Variants in CTNS observed in about 807,000 individuals in gnomAD.
CTNS encodes cystinosin.
A neutral mutation model predicts 43.7 loss-of-function variants in CTNS; 27 were observed. That is an observed-to-expected ratio of 0.62 (90% CI 0.46 to 0.85). The LOEUF (loss-of-function observed/expected upper bound fraction) is 0.85, where lower values mean the gene tolerates loss of function less well. CTNS is among the 40% of genes least tolerant of loss of function. The pLI is 0.00. For missense variants in CTNS, 457 were observed against 475.4 expected, an observed-to-expected ratio of 0.96 and a Z score of 0.36; for synonymous variants, 187 against 190.6, an observed-to-expected ratio of 0.98 and a Z score of 0.16.
At position 3,662,624 on chromosome 17, in the gene CTNS, G is replaced by C. The variant is rs534998566; in HGVS notation, c.*2255G>C. Among the ~76,000 whole-genome samples, 10 of 152,320 alleles carry C rather than the reference G, an allele frequency of 6.6e-5. No individual in the cohort carries two copies. In the East Asian group the frequency reaches 1.7e-3, roughly 26 times the overall value. ...AAAAGGAGGTTGGGAGCAAGTAGGG[G>C]CTTCACAGTAACACCCAAGAAAGCA... On this transcript the variant is annotated 3_prime_UTR_variant, in exon 12 of 12. Transcript: ENST00000046640.
upstream of CTNS, chr17:3,636,564 C>T (rs530371788): frequency 3.2e-3 from 834 of 262,694 alleles, 5 homozygotes; most frequent in Non-Finnish European, 4.9e-3. Context: ...GGCAGCGGAC[C>T]TCATCTTCCC....
chr17:3,640,154 C>T, intron 2 of CTNS, 34 bp from the exon 3 acceptor site: 1 of 1,553,830 alleles, frequency 6.4e-7, no homozygotes, highest in East Asian at 2.2e-5. Context: ...TTCAACATTC[C>T]CCTGAACTTC....
At chr17:3,639,377 A>C (rs2075624061) in intron 2 of CTNS, among the ~76,000 whole-genome samples, 1 of 152,148 alleles carries the variant, frequency 6.6e-6, no homozygotes, top group Admixed American at 6.6e-5. Flanking sequence ...CACTTGTCAA[A>C]TAAAGTCTTG....
At chr17:3,658,343 C>T (rs897661753) in intron 10 of CTNS, among the ~76,000 whole-genome samples, 168 bp downstream of exon 10, 15 of 152,118 alleles carry the variant, frequency 9.9e-5, no homozygotes, top group East Asian at 1.9e-4. Flanking sequence ...GCCAGCCTGC[C>T]GCTCTTCCCC....
intron 3 of CTNS, among the ~76,000 whole-genome samples, chr17:3,643,811 A>C (rs188881): frequency 0.51 from 77,504 of 151,954 alleles, 20,389 homozygotes; most frequent in Non-Finnish European, 0.57. Context: ...AAGTGATCTG[A>C]CCGCCTCAGC....
At chr17:3,638,873 G>A (rs898267082) in intron 2 of CTNS, among the ~76,000 whole-genome samples, 1 of 152,170 alleles carries the variant, frequency 6.6e-6, no homozygotes, top group Non-Finnish European at 1.5e-5. Context: ...GGGATCCAGC[G>A]CCAAGAGCAA....
chr17:3,647,027 A>G (rs1027871275), intron 3 of CTNS, among the ~76,000 whole-genome samples: 2 of 152,174 alleles, frequency 1.3e-5, no homozygotes, highest in Admixed American at 1.3e-4. Flanking sequence ...CCAGTTCTTC[A>G]GGACCATTTT....
intron 5 of CTNS, among the ~76,000 whole-genome samples, chr17:3,652,453 G>A (rs188672567): frequency 1.4e-3 from 217 of 152,156 alleles, no homozygotes; most frequent in Middle Eastern, 6.8e-3. Context: ...TTAGCCAAGC[G>A]TGGTGGCAAG....
intron 4 of CTNS, among the ~76,000 whole-genome samples, chr17:3,648,160 C>G (rs2075889496): frequency 6.6e-6 from 1 of 152,336 alleles, no homozygotes; most frequent in South Asian, 2.1e-4. Context: ...TGCCTTTCCC[C>G]CTTCCTCGCC....
chr17:3,657,718 A>G (rs2076186166), intron 9 of CTNS: 1 of 512,232 alleles, frequency 2.0e-6, no homozygotes, highest in Non-Finnish European at 3.6e-6. Context: ...GTAGGAACAA[A>G]GCAGACAGAG....
intron 2 of CTNS, among the ~76,000 whole-genome samples, chr17:3,638,477 A>C (rs2075596275): frequency 6.6e-6 from 1 of 151,614 alleles, no homozygotes; most frequent in Non-Finnish European, 1.5e-5. Context: ...ACTTCAAGTG[A>C]TCCAACTGCC....
chr17:3,658,246 C>T (rs961281263), intron 10 of CTNS, 71 bp downstream of exon 10: 109 of 1,580,922 alleles, frequency 6.9e-5, no homozygotes, highest in Non-Finnish European at 8.4e-5. Flanking sequence ...GGCCCTGCTC[C>T]GGTGGGGCAG....
Position 3,661,145 on chromosome 17 carries a change from C to T in CTNS, c.*776C>T, listed in dbSNP as rs931890448. On this transcript the variant is annotated 3_prime_UTR_variant, in exon 12 of 12. Transcript: ENST00000046640. ...GCACATCCAGCTGCTCCTTACCCAG[C>T]ATCTGGAGTACAGGACATAGCTCTC... is the stretch of plus-strand genomic sequence containing the variant. The T allele has an allele frequency of 9.2e-6, 3 of 324,896 alleles. No homozygotes were observed. The highest frequency in any genetic ancestry group is 1.8e-5 in the Non-Finnish European group (3 of 166,052). The allele number at this position is 324,896 out of a possible 1,614,324, so 20.1% of individuals were successfully genotyped here. A position where few individuals can be genotyped will look rare whatever the true frequency, so the allele number is the denominator to read the frequency against.
chr17:3,638,481 A>G (rs997290436), intron 2 of CTNS, among the ~76,000 whole-genome samples: 1 of 151,186 alleles, frequency 6.6e-6, no homozygotes, highest in African/African-American at 2.5e-5. Context: ...CAAGTGATCC[A>G]ACTGCCTCGG....
intron 5 of CTNS, among the ~76,000 whole-genome samples, chr17:3,653,718 A>G (rs901920282): frequency 6.6e-6 from 1 of 152,130 alleles, no homozygotes; most frequent in Non-Finnish European, 1.5e-5. Flanking sequence ...TCTACTAAAA[A>G]TACAAAAATT....
intron 3 of CTNS, among the ~76,000 whole-genome samples, chr17:3,642,646 C>T (rs2075749342): frequency 6.6e-6 from 1 of 152,114 alleles, no homozygotes; most frequent in Non-Finnish European, 1.5e-5. Context: ...TGAGATCACG[C>T]CACTGCACTC....
Position 3,661,011 on chromosome 17 carries a change from C to T in CTNS, c.*642C>T, listed in dbSNP as rs1023900448. The T allele has an allele frequency of 7.8e-6, 4 of 514,098 alleles. No homozygotes were observed. Among genetic ancestry groups the T allele is most frequent in the Non-Finnish European group, 1.4e-5 (4 of 283,202 alleles). 31.8% of individuals were successfully genotyped at this position (514,098 alleles called of 1,614,324 possible). ...GGTTCTGAATTGGATTCATGCCCAG[C>T]GCATTAGCATAGTAACTCCTTTCAG... On this transcript the variant is annotated 3_prime_UTR_variant, in exon 12 of 12. Coordinates refer to ENST00000046640, the MANE Select transcript of CTNS (RefSeq NM_004937.3).
At chr17:3,648,742 AAG>A in intron 4 of CTNS, 103 bp from the exon 5 acceptor site, 29 of 978,098 alleles carry the variant, frequency 3.0e-5, no homozygotes, top group Non-Finnish European at 4.6e-5. Flanking sequence ...AGCATTTCCT[AAG>A]CCTAACTGCT....
chr17:3,660,091 C>A, intron 11 of CTNS, 116 bp downstream of exon 11: 1 of 1,441,696 alleles, frequency 6.9e-7, no homozygotes, highest in Non-Finnish European at 9.7e-7. Context: ...GCCAATCCAG[C>A]CCCCAAGGAG....
Sources: gnomAD v4.1 joint callset for allele counts (sites outside exome capture counted in the v4.1 genomes callset) on GRCh38, gnomAD v4.1.1 for gene constraint, MANE v1.5 for transcripts, NCBI Gene and HGNC (gene_info 2026-07-23, HGNC 2026-07-21) for gene names.